Variants in CASZ1 observed in about 807,000 individuals in gnomAD.
CASZ1 encodes the protein castor zinc finger 1.
Under a neutral mutation model 135.2 loss-of-function variants are expected in CASZ1, and 28 were observed. The ratio of observed to expected loss-of-function variants is 0.21; its 90% CI spans 0.15 to 0.28. The LOEUF (loss-of-function observed/expected upper bound fraction) is 0.28, where lower values mean the gene tolerates loss of function less well. CASZ1 is among the 10% of genes least tolerant of loss of function. The pLI is 1.00. For synonymous variants in CASZ1, 1,068 were observed against 1,073.4 expected (o/e 0.99, Z 0.10); for missense variants, 2,161 against 2,453.3 (o/e 0.88, Z 2.52).
chr1:10,656,216 C>T (rs182379495), intron 8 of CASZ1, among the ~76,000 whole-genome samples: 3 of 152,360 alleles, frequency 2.0e-5, no homozygotes, highest in South Asian at 2.1e-4. Flanking sequence ...ACTCTCCCCC[C>T]ACTCACCAGC....
rs1251270333 is a variant in CASZ1 at position 10,697,759 on chromosome 1, C to T, written c.-23-3847G>A. ...ACAAAGCTCCTTTTGTTATTGCACC[C>T]CACCCCAGGATCCCAATAAACTGGT... On this transcript the variant is annotated intron_variant, in intron 3 of 20. Coordinates refer to ENST00000377022, the MANE Select transcript of CASZ1 (RefSeq NM_001079843.3). This position sits in a 1 kb window ranked among gnomAD's most constrained non-coding sequence, Gnocchi z 4.7. Among the ~76,000 whole-genome samples, 1 of 152,234 alleles carries T rather than the reference C, an allele frequency of 6.6e-6. No individual in the cohort carries two copies. Among genetic ancestry groups the T allele is most frequent in the African/African-American group, 2.4e-5 (1 of 41,458 alleles).
rs1642491214 is a variant in CASZ1, at chr1:10,649,534, C to T, written c.2881-97G>A. The T allele has an allele frequency of 6.6e-6, 9 of 1,360,220 alleles. No homozygotes were observed. The South Asian group carries it at 1.0e-4, about 15-fold the overall frequency. 84.3% of individuals were successfully genotyped at this position (1,360,220 alleles called of 1,614,324 possible). The stretch of plus-strand genomic sequence containing the variant: ...AGCCGAAGCTCTGGGCTGCTGGGAC[C>T]CACCCAGCCCTCAGAGCCAGCAGAG... On this transcript the variant is annotated intron_variant, in intron 13 of 20. Coordinates refer to ENST00000377022, the MANE Select transcript of CASZ1 (RefSeq NM_001079843.3).
rs559648972 is a variant in CASZ1 at position 10,684,703 on chromosome 1, T to C, written c.16+9171A>G. On this transcript the variant is annotated intron_variant, in intron 4 of 20. Coordinates refer to ENST00000377022, the MANE Select transcript of CASZ1 (RefSeq NM_001079843.3). ...AGACACCACGATGCTGACCACACAG[T>C]CTAAGAGCTGGGAACTCGGCCTGGA... Among the ~76,000 whole-genome samples, 34 of 152,318 alleles carry C rather than the reference T, an allele frequency of 2.2e-4. No individual in the cohort carries two copies. In the Middle Eastern group the frequency reaches 0.014, roughly 61 times the overall value.
chr1:10,740,600 A>G (rs887823787), intron 2 of CASZ1, among the ~76,000 whole-genome samples: 30 of 152,154 alleles, frequency 2.0e-4, no homozygotes, highest in African/African-American at 6.8e-4. Context: ...AAGGGTCTAG[A>G]AGCAGGAGGT....
rs762147866 is a variant in CASZ1, at chr1:10,735,699, C to T, written c.-77+25002G>A. 3.7e-4 allele frequency among the ~76,000 whole-genome samples: 56 copies of T among 152,190 alleles called. No individual in the cohort carries two copies. The highest frequency in any genetic ancestry group is 5.7e-4 in the Non-Finnish European group (39 of 68,026). ...TGGCCAGCTGAACCCTCAGTTCCTTCGGTTAAATGAGGTCAAATGCTTTTC... is the reference window on the plus strand; with the variant it reads ...TGGCCAGCTGAACCCTCAGTTCCTTTGGTTAAATGAGGTCAAATGCTTTTC... On this transcript the variant is annotated intron_variant, in intron 2 of 20. Transcript: ENST00000377022. The surrounding 1 kb of genome is among the most constrained non-coding windows in gnomAD (Gnocchi z 5.1).
chr1:10,712,766 TC>T (rs1176441166), intron 2 of CASZ1, among the ~76,000 whole-genome samples: 15 of 152,192 alleles, frequency 9.9e-5, no homozygotes, highest in Admixed American at 1.3e-4. Flanking sequence ...GGGCTGCCGT[TC>T]CCGGCACACA....
At position 10,649,444 on chromosome 1, in the gene CASZ1, G is replaced by C. The variant is rs535451254; in HGVS notation, c.2881-7C>G. The C allele has an allele frequency of 1.9e-6, 3 of 1,604,444 alleles. No homozygotes were observed. The Admixed American group carries it at 5.0e-5, about 27-fold the overall frequency. ...CAGGGTTGCCCTGAGACATCTGTGA[G>C]GGACAGAGGCCGAGCATGGGGCTGG... On this transcript the variant is annotated splice_polypyrimidine_tract_variant and splice_region_variant and intron_variant, in intron 13 of 20. Transcript: ENST00000377022.
Position 10,659,904 on chromosome 1 carries a change from C to G in CASZ1, c.1138G>C (p.Gly380Arg). The change falls in exon 6 of 21, where the codon GGC becomes CGC. Residue 380 changes from glycine (G) to arginine (R), a missense_variant. Physicochemically the swap from Gly to Arg is moderately radical, Grantham distance 125. Around this residue, in one of 7 missense-constraint regions of CASZ1, gnomAD observed 590 missense variants for 609.8 expected, o/e 0.97. Transcript: ENST00000377022. ...TTGGCGGGGCCTGGCTTCTGGATGC[C>G]CCGGACGTCGTACTTGGAAGGGCGC... The part of the protein sequence containing the change: ...VGRPSKYDVR[G>R]IQKPGPAKVP... 1.2e-6 allele frequency: 2 copies of G among 1,611,594 alleles called. No homozygotes were observed. The highest frequency in any genetic ancestry group is 1.7e-6 in the Non-Finnish European group (2 of 1,179,366).
chr1:10,652,918 G>A (rs1642642256), intron 11 of CASZ1: 1 of 182,334 alleles, frequency 5.5e-6, no homozygotes, highest in Non-Finnish European at 1.2e-5. Context: ...GGCGTCCCTG[G>A]GCCTGGAGGT....
chr1:10,716,197 A>G lies in CASZ1; in HGVS notation c.-76-10653T>C, dbSNP rs900731893. Among the ~76,000 whole-genome samples, 5 of 140,748 alleles carry G rather than the reference A, an allele frequency of 3.6e-5. No homozygotes were observed. In the East Asian group the frequency reaches 1.1e-3, roughly 31 times the overall value. The allele number at this position is 140,748 out of a possible 152,430, so 92.3% of individuals were successfully genotyped here. ...CCCAATCCGCTCTCCACAGCACCCA[A>G]TCTGCTCCCCACAGCACCCAATCCA... On this transcript the variant is annotated intron_variant, in intron 2 of 20. Transcript: ENST00000377022.
chr1:10,677,826 G>A (rs931328506), intron 4 of CASZ1, among the ~76,000 whole-genome samples: 3 of 152,238 alleles, frequency 2.0e-5, no homozygotes, highest in East Asian at 1.9e-4. Context: ...CCCCTGCTGC[G>A]GAGGATTTGA....
At chr1:10,659,039 G>A (rs1642905490) in intron 6 of CASZ1, among the ~76,000 whole-genome samples, 1 of 152,194 alleles carries the variant, frequency 6.6e-6, no homozygotes, top group South Asian at 2.1e-4. Flanking sequence ...GGGTTCAGGA[G>A]GAGCTCTGGG....
chr1:10,784,993 A>T (rs1449457391), intron 1 of CASZ1, among the ~76,000 whole-genome samples: 3 of 152,134 alleles, frequency 2.0e-5, no homozygotes, highest in Non-Finnish European at 4.4e-5. Context: ...ATTACCAGTC[A>T]GCCTCCAACT....
chr1:10,642,504 G>T (rs917205556), intron 20 of CASZ1, among the ~76,000 whole-genome samples: 10 of 152,098 alleles, frequency 6.6e-5, no homozygotes, highest in Middle Eastern at 3.4e-3. Context: ...GAGAGGCGGG[G>T]CAGTGCCAGG....
intron 4 of CASZ1, among the ~76,000 whole-genome samples, chr1:10,673,771 G>A (rs866924838): frequency 1.1e-4 from 17 of 152,306 alleles, no homozygotes; most frequent in African/African-American, 3.6e-4. Flanking sequence ...GAGGTGGGGC[G>A]AGGGCAGGAC....
intron 2 of CASZ1, among the ~76,000 whole-genome samples, chr1:10,746,962 G>T (rs1640055224): frequency 6.6e-6 from 1 of 152,218 alleles, no homozygotes; most frequent in African/African-American, 2.4e-5. Flanking sequence ...CCCATGTGGG[G>T]TTGGGTAGCT....
At position 10,657,121 on chromosome 1, in the gene CASZ1, G is replaced by A. The variant is rs529475927; in HGVS notation, c.1410-385C>T. Reference sequence around the variant, plus strand: ...TGCAGAGACCCTGGCTGGGCCAGCCGGGCTCTGATGCTGAGAGGTGTTAAA... The same window carrying A: ...TGCAGAGACCCTGGCTGGGCCAGCCAGGCTCTGATGCTGAGAGGTGTTAAA... On this transcript the variant is annotated intron_variant, in intron 7 of 20. Transcript: ENST00000377022. The surrounding 1 kb of genome is among the most constrained non-coding windows in gnomAD (Gnocchi z 5.7). 5.1e-4 allele frequency among the ~76,000 whole-genome samples: 78 copies of A among 152,340 alleles called. No individual in the cohort carries two copies. The highest frequency in any genetic ancestry group is 1.7e-3 in the African/African-American group (72 of 41,582).
At position 10,639,347 on chromosome 1, in the gene CASZ1, C is replaced by A; in HGVS notation, c.4875G>T (p.Glu1625Asp). 1 of 1,512,472 alleles carries A rather than the reference C, an allele frequency of 6.6e-7. No homozygotes were observed. The highest frequency in any genetic ancestry group is 1.2e-5 in the South Asian group (1 of 81,164). The allele number at this position is 1,512,472 out of a possible 1,614,324, so 93.7% of individuals were successfully genotyped here. A position where few individuals can be genotyped will look rare whatever the true frequency, so the allele number is the denominator to read the frequency against. ...SLDGSLSLGA[E>D]PGSLLFLQSA... ...ACTGCAGGAAGAGCAGCGAGCCCGG[C>A]TCGGCGCCCAGCGACAGGGAGCCGT... The change falls in exon 21 of 21, where the codon GAG becomes GAT. Residue 1625 changes from glutamate to aspartate, a missense_variant. Around this residue, in one of 7 missense-constraint regions of CASZ1, gnomAD observed 240 missense variants for 321.4 expected, o/e 0.75. Coordinates refer to ENST00000377022, the MANE Select transcript of CASZ1 (RefSeq NM_001079843.3). This position sits in a 1 kb window ranked among gnomAD's most constrained non-coding sequence, Gnocchi z 4.0.
At chr1:10,751,577 C>T (rs911517277) in intron 2 of CASZ1, among the ~76,000 whole-genome samples, 13 of 152,332 alleles carry the variant, frequency 8.5e-5, no homozygotes, top group East Asian at 3.9e-4. Flanking sequence ...TAAATACCCA[C>T]GCTAATGATG....
Sources: allele counts gnomAD v4.1 joint callset (sites outside exome capture counted in the v4.1 genomes callset), GRCh38; gene constraint gnomAD v4.1.1; regional missense constraint gnomAD v4.1.1; non-coding constraint Gnocchi (gnomAD v3.1); transcripts MANE v1.5; gene names NCBI Gene and HGNC (gene_info 2026-07-23, HGNC 2026-07-21).